The following CNTN5 variants were observed in gnomAD, a reference collection of about 807,000 sequenced individuals.
CNTN5 encodes contactin 5.
A neutral mutation model predicts 129.1 loss-of-function variants in CNTN5; 77 were observed. The ratio of observed to expected loss-of-function variants is 0.60; its 90% CI spans 0.50 to 0.72. The LOEUF is 0.72. Among genes scored for constraint, CNTN5 ranks in the 30% least tolerant of loss-of-function variants. CNTN5 has a pLI of 0.00. For missense variants in CNTN5, 1,478 were observed against 1,328.8 expected (o/e 1.11, Z -1.75); for synonymous variants, 509 against 465.6 (o/e 1.09, Z -1.20).
At chr11:99,722,468 G>C (rs975797337) in intron 3 of CNTN5, among the ~76,000 whole-genome samples, 6 of 151,872 alleles carry the variant, frequency 4.0e-5, no homozygotes, top group African/African-American at 1.5e-4. Flanking sequence ...TAGACACTGG[G>C]GTCTACTTCT....
intron 1 of CNTN5, among the ~76,000 whole-genome samples, chr11:99,061,214 T>G (rs563137769): frequency 6.6e-6 from 1 of 152,278 alleles, no homozygotes; most frequent in South Asian, 2.1e-4. Flanking sequence ...GGAAACACTT[T>G]GCATATCTAC....
At chr11:100,038,194 C>T (rs550345784) in intron 9 of CNTN5, among the ~76,000 whole-genome samples, 1 of 152,192 alleles carries the variant, frequency 6.6e-6, no homozygotes, top group Non-Finnish European at 1.5e-5. Flanking sequence ...TTTCAAAGAA[C>T]ATCTTTATTT....
chr11:99,157,983 A>G (rs995823505), intron 1 of CNTN5, among the ~76,000 whole-genome samples: 2 of 152,186 alleles, frequency 1.3e-5, no homozygotes, highest in Non-Finnish European at 2.9e-5. Context: ...CTTTCTATGT[A>G]TTTAATTCAC....
chr11:99,166,452 A>G (rs1161042977), intron 1 of CNTN5, among the ~76,000 whole-genome samples: 1 of 151,844 alleles, frequency 6.6e-6, no homozygotes, highest in Non-Finnish European at 1.5e-5. Flanking sequence ...GGGTTTGAGC[A>G]TAGTGTAAAA....
At chr11:99,790,997 A>AT (rs1945721865) in intron 3 of CNTN5, among the ~76,000 whole-genome samples, 1 of 151,868 alleles carries the variant, frequency 6.6e-6, no homozygotes, top group Non-Finnish European at 1.5e-5. Context: ...CCACCTTTTA[A>AT]TGGGGTTGTT....
At chr11:100,033,544 T>G (rs1941829497) in intron 9 of CNTN5, among the ~76,000 whole-genome samples, 1 of 152,188 alleles carries the variant, frequency 6.6e-6, no homozygotes, top group African/African-American at 2.4e-5. Flanking sequence ...CCTCTTACCC[T>G]TCATGAACTA....
chr11:99,702,291 A>G (rs1954556129), intron 3 of CNTN5, among the ~76,000 whole-genome samples: 1 of 150,996 alleles, frequency 6.6e-6, no homozygotes, highest in African/African-American at 2.4e-5. Flanking sequence ...ATAATAATGA[A>G]AAATTTGGAC....
At chr11:100,056,381 C>A (rs1943223301) in intron 9 of CNTN5, among the ~76,000 whole-genome samples, 1 of 150,692 alleles carries the variant, frequency 6.6e-6, no homozygotes, top group Non-Finnish European at 1.5e-5. Context: ...TAAATCTAAC[C>A]ATTTGCCATT....
chr11:99,311,808 A>G (rs1865127485), intron 1 of CNTN5, among the ~76,000 whole-genome samples: 1 of 152,212 alleles, frequency 6.6e-6, no homozygotes, highest in Non-Finnish European at 1.5e-5. Flanking sequence ...ATAATATTCT[A>G]GCACCTATAG....
intron 2 of CNTN5, among the ~76,000 whole-genome samples, chr11:99,359,966 A>T (rs528964816): frequency 1.3e-5 from 2 of 152,336 alleles, no homozygotes; most frequent in Non-Finnish European, 1.5e-5. Context: ...ATTTGCCCTG[A>T]TGTGATTATT....
At chr11:99,875,031 C>A (rs1295910488) in intron 6 of CNTN5, among the ~76,000 whole-genome samples, 1 of 152,136 alleles carries the variant, frequency 6.6e-6, no homozygotes, top group Non-Finnish European at 1.5e-5. Context: ...ACACAGATTA[C>A]TGGAGGTGCT....
chr11:100,026,848 G>T (rs533513855), intron 9 of CNTN5, among the ~76,000 whole-genome samples: 1 of 152,012 alleles, frequency 6.6e-6, no homozygotes, highest in South Asian at 2.1e-4. Context: ...TCTTGACAGT[G>T]TCTTTTACGA....
At chr11:99,600,682 C>G (rs1426384963) in intron 3 of CNTN5, among the ~76,000 whole-genome samples, 1 of 152,086 alleles carries the variant, frequency 6.6e-6, no homozygotes, top group African/African-American at 2.4e-5. Flanking sequence ...TGGGTAGAAG[C>G]CAGTTTTTTC....
At chr11:99,828,150 A>G (rs1285091977) in intron 4 of CNTN5, among the ~76,000 whole-genome samples, 1 of 152,228 alleles carries the variant, frequency 6.6e-6, no homozygotes. Context: ...AGAGATATGT[A>G]CAATGATTTT....
At chr11:99,539,585 C>T (rs114359266) in intron 2 of CNTN5, among the ~76,000 whole-genome samples, 12,668 of 152,036 alleles carry the variant, frequency 0.083, 612 homozygotes, top group African/African-American at 0.12. Flanking sequence ...ATAATTATTA[C>T]TACCAATTAT....
At chr11:99,829,089 G>C (rs1947058436) in intron 4 of CNTN5, among the ~76,000 whole-genome samples, 1 of 152,066 alleles carries the variant, frequency 6.6e-6, no homozygotes, top group East Asian at 1.9e-4. Context: ...AAATAAGGAA[G>C]CTTTTGGTTA....
chr11:99,111,093 T>C (rs1374435329), intron 1 of CNTN5, among the ~76,000 whole-genome samples: 1 of 152,146 alleles, frequency 6.6e-6, no homozygotes, highest in Non-Finnish European at 1.5e-5. Context: ...ACTAGATACA[T>C]ATTTTTAGGG....
At chr11:100,256,001 A>AT (rs1950061434) in intron 17 of CNTN5, 83 bp downstream of exon 17, 10 of 1,177,310 alleles carry the variant, frequency 8.5e-6, no homozygotes, top group African/African-American at 4.6e-5. Flanking sequence ...TCTTACTATG[A>AT]TTTTTTTGGA....
At chr11:99,780,052 A>G (rs916272518) in intron 3 of CNTN5, among the ~76,000 whole-genome samples, 6 of 152,024 alleles carry the variant, frequency 3.9e-5, no homozygotes, top group African/African-American at 1.4e-4. Context: ...AGGAGTCTGG[A>G]CATGGATATT....
Sources: gnomAD v4.1 joint callset for allele counts (sites outside exome capture counted in the v4.1 genomes callset) on GRCh38, gnomAD v4.1.1 for gene constraint, MANE v1.5 for transcripts, NCBI Gene and HGNC (gene_info 2026-07-23, HGNC 2026-07-21) for gene names.